The following SH3GL2 variants were observed in gnomAD, a reference collection of about 807,000 sequenced individuals.
The protein encoded by SH3GL2 is endophilin-A1.
Under a neutral mutation model 46.0 loss-of-function variants are expected in SH3GL2, and 24 were observed. That is an observed-to-expected ratio of 0.52 (90% CI 0.38 to 0.73). The LOEUF (loss-of-function observed/expected upper bound fraction) is 0.73, where lower values mean the gene tolerates loss of function less well. Ranked by LOEUF, SH3GL2 falls within the 30% of genes least tolerant of loss-of-function variation. SH3GL2 has a pLI of 0.00. For synonymous variants in SH3GL2, 196 were observed against 147.1 expected, an observed-to-expected ratio of 1.33 and a Z score of -2.40; for missense variants, 413 against 424.2, an observed-to-expected ratio of 0.97 and a Z score of 0.23.
At chr9:17,783,327 A>T (rs1417516627) in intron 3 of SH3GL2, among the ~76,000 whole-genome samples, 1 of 151,662 alleles carries the variant, frequency 6.6e-6, no homozygotes, top group Non-Finnish European at 1.5e-5. Context: ...TGGATTAGGA[A>T]ATAAAAACTA....
Position 17,786,541 on chromosome 9 carries a change from C to T in SH3GL2, c.331+17C>T, listed in dbSNP as rs1379906485. ...GCAACTTTGGTAACAAGTGCTTCCT[C>T]ACATTGTAATTCTTTCATTTGTCCA... On this transcript the variant is annotated intron_variant, in intron 4 of 8. Coordinates refer to ENST00000380607, the MANE Select transcript of SH3GL2 (RefSeq NM_003026.5). 1 of 1,611,078 alleles carries T rather than the reference C, an allele frequency of 6.2e-7. No homozygotes were observed. Among genetic ancestry groups the T allele is most frequent in the Non-Finnish European group, 8.5e-7 (1 of 1,177,720 alleles).
rs2117959201 is a variant in SH3GL2, at chr9:17,670,679, A to T, written c.46-76387A>T. Among the ~76,000 whole-genome samples the T allele has an allele frequency of 4.6e-5, 7 of 152,334 alleles. 1 individual carries two copies. In the Middle Eastern group the frequency reaches 0.02, roughly 444 times the overall value. On this transcript the variant is annotated intron_variant, in intron 1 of 8. Coordinates refer to ENST00000380607, the MANE Select transcript of SH3GL2 (RefSeq NM_003026.5). ...TATCTTTAGTCCAACTTGGCTGGCA[A>T]ATTGTCATTTAAGTATGTCGCATTT...
At chr9:17,626,136 A>G (rs1414608728) in intron 1 of SH3GL2, among the ~76,000 whole-genome samples, 2 of 152,188 alleles carry the variant, frequency 1.3e-5, no homozygotes, top group East Asian at 1.9e-4. Context: ...GACACAGCAG[A>G]TGGAGCCTGT....
At chr9:17,654,293 G>A (rs1820021281) in intron 1 of SH3GL2, among the ~76,000 whole-genome samples, 1 of 152,184 alleles carries the variant, frequency 6.6e-6, no homozygotes, top group Non-Finnish European at 1.5e-5. Flanking sequence ...TTACTGTGGT[G>A]ATTATAACAT....
At position 17,789,499 on chromosome 9, in the gene SH3GL2, T is replaced by G. The variant is rs376134896; in HGVS notation, c.573T>G (p.Asp191Glu). The part of the protein sequence containing the change: ...EELRQALEKF[D>E]ESKEIAESSM... Reference sequence around the variant, plus strand: ...TTCGTCAAGCTCTAGAGAAATTTGATGAGTCTAAGGAAATTGCTGAGTCAA... The same window carrying G: ...TTCGTCAAGCTCTAGAGAAATTTGAGGAGTCTAAGGAAATTGCTGAGTCAA... The change falls in exon 6 of 9, where the codon GAT (aspartate) becomes GAG (glutamate). Residue 191 changes from aspartate to glutamate, a missense_variant. Asp to Glu is a conservative substitution (Grantham distance 45, BLOSUM62 2). Transcript: ENST00000380607. 3 of 1,613,388 alleles carry G rather than the reference T, an allele frequency of 1.9e-6. No homozygotes were observed. In the African/African-American group the frequency reaches 4.0e-5, roughly 22 times the overall value.
intron 2 of SH3GL2, among the ~76,000 whole-genome samples, chr9:17,760,636 A>T (rs1338419711): frequency 6.6e-6 from 1 of 152,130 alleles, no homozygotes; most frequent in Non-Finnish European, 1.5e-5. Context: ...AATCACTTTC[A>T]TTTATACCTA....
intron 2 of SH3GL2, among the ~76,000 whole-genome samples, chr9:17,748,661 C>T (rs1296640620): frequency 6.6e-6 from 1 of 151,940 alleles, no homozygotes; most frequent in East Asian, 1.9e-4. Flanking sequence ...TTTGTGTCTT[C>T]CATGAACCAG....
intron 1 of SH3GL2, among the ~76,000 whole-genome samples, chr9:17,647,839 G>A (rs1049493345): frequency 2.0e-5 from 3 of 152,150 alleles, no homozygotes; most frequent in South Asian, 2.1e-4. Context: ...AACAACACAC[G>A]TTTGAACTGT....
At chr9:17,772,359 T>C (rs1563848240) in intron 3 of SH3GL2, among the ~76,000 whole-genome samples, 2 of 152,182 alleles carry the variant, frequency 1.3e-5, no homozygotes, top group African/African-American at 4.8e-5. Flanking sequence ...TAACATGAAA[T>C]TATCTTAACT....
rs7033892 is a variant in SH3GL2 at position 17,640,257 on chromosome 9, A to T, written c.45+60970A>T. On this transcript the variant is annotated intron_variant, in intron 1 of 8. Coordinates refer to ENST00000380607, the MANE Select transcript of SH3GL2 (RefSeq NM_003026.5). The stretch of plus-strand genomic sequence containing the variant: ...ATGAAGCATTCTGCAGTGTTTCATC[A>T]TTAAATATAATAATAAAGGATTATT... Among the ~76,000 whole-genome samples, 4 of 152,236 alleles carry T rather than the reference A, an allele frequency of 2.6e-5. No individual in the cohort carries two copies. In the East Asian group the frequency reaches 7.7e-4, roughly 29 times the overall value.
chr9:17,738,544 AAG>A (rs72190712), intron 1 of SH3GL2, among the ~76,000 whole-genome samples: 1,885 of 74,718 alleles, frequency 0.025, 89 homozygotes, highest in African/African-American at 0.044. Flanking sequence ...ATATATACAT[AAG>A]TGTGTGTGTA....
intron 1 of SH3GL2, among the ~76,000 whole-genome samples, chr9:17,623,057 C>CTTTCCTTTCCTTT (rs1819191916): frequency 1.6e-5 from 1 of 63,178 alleles, no homozygotes; most frequent in Non-Finnish European, 3.2e-5. Context: ...CTTCCCCTTC[C>CTTTCCTTTCCTTT]CCTTCCCCTT....
intron 1 of SH3GL2, among the ~76,000 whole-genome samples, chr9:17,710,537 A>ATTCTACTTCT (rs1249809035): frequency 1.3e-5 from 2 of 151,448 alleles, no homozygotes; most frequent in Non-Finnish European, 2.9e-5. Context: ...TGATGCAGGA[A>ATTCTACTTCT]TTCTACTTCT....
chr9:17,626,669 A>G (rs1819288177), intron 1 of SH3GL2, among the ~76,000 whole-genome samples: 1 of 152,166 alleles, frequency 6.6e-6, no homozygotes, highest in Non-Finnish European at 1.5e-5. Flanking sequence ...ATTAGATGCA[A>G]AATGTTATAT....
At chr9:17,678,996 T>A (rs1175159761) in intron 1 of SH3GL2, among the ~76,000 whole-genome samples, 1 of 152,182 alleles carries the variant, frequency 6.6e-6, no homozygotes, top group East Asian at 1.9e-4. Flanking sequence ...TCTATATCTC[T>A]ATTTTGGTAC....
At chr9:17,664,093 C>G (rs147182589) in intron 1 of SH3GL2, among the ~76,000 whole-genome samples, 1 of 152,274 alleles carries the variant, frequency 6.6e-6, no homozygotes, top group South Asian at 2.1e-4. Flanking sequence ...TTTAGCTTCA[C>G]TGTATCCACC....
At chr9:17,758,561 CAAAAAAAAAAAAAAAA>C (rs57019804) in intron 2 of SH3GL2, among the ~76,000 whole-genome samples, 4,023 of 29,550 alleles carry the variant, frequency 0.14, 341 homozygotes, top group African/African-American at 0.27. Context: ...GACCCTGTCT[CAAAAAAAAAAAAAAAA>C]AAAAAAAAAA....
chr9:17,654,205 C>G (rs1004484808), intron 1 of SH3GL2, among the ~76,000 whole-genome samples: 2 of 152,154 alleles, frequency 1.3e-5, no homozygotes, highest in Non-Finnish European at 2.9e-5. Flanking sequence ...CTGTTTCTCT[C>G]CACTGACCAC....
chr9:17,623,170 G>C (rs1359822395), intron 1 of SH3GL2, among the ~76,000 whole-genome samples: 1 of 147,376 alleles, frequency 6.8e-6, no homozygotes, highest in Admixed American at 7.1e-5. Flanking sequence ...CTTTCCCCTT[G>C]TCCTTCCATC....
Sources: gnomAD v4.1 joint callset for allele counts (sites outside exome capture counted in the v4.1 genomes callset) on GRCh38, gnomAD v4.1.1 for gene constraint, MANE v1.5 for transcripts, NCBI Gene and HGNC (gene_info 2026-07-23, HGNC 2026-07-21) for gene names.